FXYD3: variants seen among roughly 807,000 people sequenced by gnomAD.
The protein encoded by FXYD3 is FXYD domain containing ion transport regulator 3, also known as FXYD domain-containing ion transport regulator 3.
A neutral mutation model predicts 19.2 loss-of-function variants in FXYD3; 13 were observed. The observed-to-expected ratio is 0.68, with a 90% CI of 0.44 to 1.08. FXYD3 has a LOEUF of 1.08. FXYD3 is among the 50% of genes least tolerant of loss of function. The probability of loss-of-function intolerance (pLI) is 0.00; values close to 1 mark genes in which losing one functional copy is unlikely to be tolerated. For missense variants in FXYD3, 101 were observed against 109.4 expected, an observed-to-expected ratio of 0.92 and a Z score of 0.34; for synonymous variants, 48 against 38.9, an observed-to-expected ratio of 1.23 and a Z score of -0.87.
chr19:35,119,157 T>G, intron 2 of FXYD3: 1 of 1,548,890 alleles, frequency 6.5e-7, no homozygotes, highest in Non-Finnish European at 8.7e-7. Context: ...TTATGGCTCC[T>G]CCCGCCTCAG....
At chr19:35,117,382 A>G in intron 2 of FXYD3, 1 of 1,480,694 alleles carries the variant, frequency 6.8e-7, no homozygotes, top group Non-Finnish European at 9.0e-7. Context: ...TTAAGAGGTG[A>G]GACTCAACAG....
intron 4 of FXYD3, 50 bp downstream of exon 4, chr19:35,121,160 G>A (rs753471819): frequency 6.2e-7 from 1 of 1,614,008 alleles, no homozygotes; most frequent in Admixed American, 1.7e-5. Flanking sequence ...TCTCCCCTGG[G>A]TGGGGAAGGC....
intron 5 of FXYD3, 31 bp from the exon 6 acceptor site, chr19:35,122,734 G>T: frequency 6.4e-7 from 1 of 1,557,340 alleles, no homozygotes; most frequent in Non-Finnish European, 8.8e-7. Flanking sequence ...GACACAGGCT[G>T]GCACTGAGGT....
chr19:35,123,133 C>A lies in FXYD3; in HGVS notation c.210-138C>A, dbSNP rs1047189800. 4.7e-6 allele frequency: 7 copies of A among 1,477,054 alleles called. No homozygotes were observed. In the African/African-American group the frequency reaches 9.9e-5, roughly 21 times the overall value. The allele number at this position is 1,477,054 out of a possible 1,614,324, so 91.5% of individuals were successfully genotyped here. On this transcript the variant is annotated intron_variant, in intron 7 of 8. Transcript: ENST00000604404. ...CCAGGGGGCCCCAAATCCTGAAATGCTTTGGCCCCTGGGATTGCACAACCC... is the reference window on the plus strand; with the variant it reads ...CCAGGGGGCCCCAAATCCTGAAATGATTTGGCCCCTGGGATTGCACAACCC...
chr19:35,122,323 T>A (rs961231833), intron 5 of FXYD3, among the ~76,000 whole-genome samples: 3 of 152,012 alleles, frequency 2.0e-5, no homozygotes. Flanking sequence ...CCTGGCTAAT[T>A]TTTGTATTTT....
At position 35,123,597 on chromosome 19, in the gene FXYD3, C is replaced by T; in HGVS notation, c.*140C>T. The stretch of plus-strand genomic sequence containing the variant: ...TGCATGGCAGGGCCTCATCTCACCT[C>T]TCGCAAGAGGGTCTCTTTGTTCAAT... On this transcript the variant is annotated 3_prime_UTR_variant, in exon 9 of 9. Coordinates refer to ENST00000604404, the MANE Select transcript of FXYD3 (RefSeq NM_005971.4). 1.2e-6 allele frequency: 1 copy of T among 823,310 alleles called. No homozygotes were observed. Among genetic ancestry groups the T allele is most frequent in the South Asian group, 1.6e-5 (1 of 62,500 alleles). The allele number at this position is 823,310 out of a possible 1,614,324, so 51.0% of individuals were successfully genotyped here. A position where few individuals can be genotyped will look rare whatever the true frequency, so the allele number is the denominator to read the frequency against.
intron 5 of FXYD3, chr19:35,121,674 G>C: frequency 4.6e-6 from 2 of 438,346 alleles, no homozygotes; most frequent in Non-Finnish European, 6.8e-6. Context: ...CTCAGACACA[G>C]CAGACATACT....
intron 2 of FXYD3, chr19:35,118,737 C>G (rs895933089): frequency 6.1e-5 from 16 of 262,128 alleles, no homozygotes; most frequent in Non-Finnish European, 1.0e-4. Flanking sequence ...GAGGTAGAGT[C>G]CCCCTCTACC....
chr19:35,120,958 C>T (rs957285997), intron 3 of FXYD3, 120 bp from the exon 4 acceptor site: 18 of 1,024,454 alleles, frequency 1.8e-5, no homozygotes, highest in South Asian at 9.2e-5. Context: ...TGCTCAGTGA[C>T]AGGACCCCTG....
Position 35,116,264 on chromosome 19 carries a change from G to GT in FXYD3, c.-107dup, listed in dbSNP as rs2064883339. The GT allele has an allele frequency of 8.1e-6, 8 of 985,404 alleles. No homozygotes were observed. The South Asian group carries it at 2.8e-4, about 35-fold the overall frequency. 61.0% of individuals were successfully genotyped at this position (985,404 alleles called of 1,614,324 possible). ...TCTGACTTGTTTTCTACCTGCCCAGGTTTGCTTAGGGCGTGGCAGCTTCGG... is the reference window on the plus strand; with the variant it reads ...TCTGACTTGTTTTCTACCTGCCCAGGTTTTGCTTAGGGCGTGGCAGCTTCGG... On this transcript the variant is annotated splice_region_variant and 5_prime_UTR_variant, in exon 2 of 9. Transcript: ENST00000604404.
chr19:35,118,395 C>T, intron 2 of FXYD3: 1 of 652,296 alleles, frequency 1.5e-6, no homozygotes, highest in Non-Finnish European at 1.9e-6. Context: ...TAACTATGCA[C>T]TCAGCATTTG....
At chr19:35,117,369 G>T (rs1203979500) in intron 2 of FXYD3, 1 of 1,499,270 alleles carries the variant, frequency 6.7e-7, no homozygotes, top group Non-Finnish European at 8.9e-7. Context: ...CCTGGAAAGA[G>T]GCTTAAGAGG....
chr19:35,121,313 A>G, intron 5 of FXYD3, 68 bp downstream of exon 5: 1 of 1,614,052 alleles, frequency 6.2e-7, no homozygotes, highest in Non-Finnish European at 8.5e-7. Context: ...GGGTTCCCAT[A>G]CAGGGTTGGG....
At chr19:35,117,372 T>C (rs2064915589) in intron 2 of FXYD3, 3 of 1,497,262 alleles carry the variant, frequency 2.0e-6, no homozygotes, top group Non-Finnish European at 2.7e-6. Context: ...GGAAAGAGGC[T>C]TAAGAGGTGA....
intron 2 of FXYD3, chr19:35,117,506 T>C (rs994401362): frequency 4.6e-5 from 41 of 886,200 alleles, no homozygotes; most frequent in Non-Finnish European, 6.0e-5. Flanking sequence ...ATTGAGCGAG[T>C]AAGTGGGAAG....
In FXYD3 at chr19:35,123,284, G is replaced by T; in HGVS notation, c.223G>T (p.Glu75Ter). ...TTGTCTCCTTAGTCACCATCCAGGGGAGACTCCACCTCTCATCACCCCAGG... is the reference window on the plus strand; with the variant it reads ...TTGTCTCCTTAGTCACCATCCAGGGTAGACTCCACCTCTCATCACCCCAGG... ...FGQKSGHHPG[E>*]TPPLITPGSA... is the part of the protein sequence containing the mutation. Residue 75 changes from glutamate (E) to a stop codon, truncating the protein, a stop_gained, in exon 8 of 9, where the codon GAG becomes TAG. Transcript: ENST00000604404. LOFTEE classifies it high-confidence loss of function. 1 of 1,605,454 alleles carries T rather than the reference G, an allele frequency of 6.2e-7. No individual in the cohort carries two copies. The highest frequency in any genetic ancestry group is 8.5e-7 in the Non-Finnish European group (1 of 1,175,912).
chr19:35,121,549 G>A (rs1600454405), intron 5 of FXYD3: 2 of 1,410,754 alleles, frequency 1.4e-6, no homozygotes, highest in South Asian at 3.2e-5. Context: ...CTTCCTGGAG[G>A]TGGTGAGCTA....
intron 5 of FXYD3, among the ~76,000 whole-genome samples, chr19:35,122,355 A>G (rs974119291): frequency 1.3e-5 from 2 of 152,150 alleles, no homozygotes; most frequent in Non-Finnish European, 1.5e-5. Flanking sequence ...GGGTTTCACC[A>G]TGTTGGCCAG....
chr19:35,120,558 A>G (rs2065019077), intron 3 of FXYD3, among the ~76,000 whole-genome samples: 1 of 152,246 alleles, frequency 6.6e-6, no homozygotes, highest in South Asian at 2.1e-4. Context: ...GGGCAAGACC[A>G]GTATTCCCTG....
Sources: gnomAD v4.1 joint callset for allele counts (sites outside exome capture counted in the v4.1 genomes callset) on GRCh38, gnomAD v4.1.1 for gene constraint, MANE v1.5 for transcripts, NCBI Gene and HGNC (gene_info 2026-07-23, HGNC 2026-07-21) for gene names.